NRG1: variants seen among roughly 807,000 people sequenced by gnomAD.
The protein encoded by NRG1 is neuregulin 1.
In NRG1, 18 loss-of-function variants were observed where a neutral mutation model predicts 63.8. The ratio of observed to expected loss-of-function variants is 0.28; its 90% CI spans 0.19 to 0.42. The LOEUF (loss-of-function observed/expected upper bound fraction) is 0.42, where lower values mean the gene tolerates loss of function less well. Ranked by LOEUF, NRG1 falls within the 10% of genes least tolerant of loss-of-function variation. The probability of loss-of-function intolerance (pLI) is 1.00; values close to 1 mark genes in which losing one functional copy is unlikely to be tolerated. For synonymous variants in NRG1, 302 were observed against 301.3 expected (o/e 1.00, Z -0.02); for missense variants, 762 against 814.7 (o/e 0.94, Z 0.79).
chr8:31,643,228 A>G (rs1261792686), intron 1 of NRG1, among the ~76,000 whole-genome samples: 2 of 152,248 alleles, frequency 1.3e-5, no homozygotes, highest in African/African-American at 2.4e-5. Context: ...CTCACCTAAC[A>G]TGAAGCTGCC....
intron 1 of NRG1, among the ~76,000 whole-genome samples, chr8:32,502,988 T>G (rs1035239216): frequency 3.9e-5 from 6 of 151,946 alleles, no homozygotes; most frequent in Non-Finnish European, 7.4e-5. Context: ...CTCTGCCAAA[T>G]TAAGAAGTCA....
rs1053610889 is a variant in NRG1, at chr8:32,221,953, A to G, written c.38-373875A>G. 9.2e-5 allele frequency among the ~76,000 whole-genome samples: 14 copies of G among 152,108 alleles called. 1 individual carries two copies. In the South Asian group the frequency reaches 2.7e-3, roughly 29 times the overall value. On this transcript the variant is annotated intron_variant, in intron 1 of 10. Transcript: ENST00000519301. Reference sequence around the variant, plus strand: ...CTTGTCTGTCATTCAAATCTTTGTTACCAAAACAGTTTGCTCTTTTTCATC... The same window carrying G: ...CTTGTCTGTCATTCAAATCTTTGTTGCCAAAACAGTTTGCTCTTTTTCATC...
At chr8:32,600,924 T>G (rs993279581) in intron 2 of NRG1, among the ~76,000 whole-genome samples, 22 of 152,172 alleles carry the variant, frequency 1.4e-4, no homozygotes, top group Non-Finnish European at 2.9e-4. Context: ...CTTTCCAAGC[T>G]AATTTCCTTC....
chr8:31,783,960 C>T (rs1452770438), intron 1 of NRG1, among the ~76,000 whole-genome samples: 1 of 152,012 alleles, frequency 6.6e-6, no homozygotes, highest in Non-Finnish European at 1.5e-5. Context: ...AAAACTAATT[C>T]GGATGGTACT....
intron 10 of NRG1, 140 bp from the exon 11 acceptor site, chr8:32,760,060 C>T (rs1050266523): frequency 2.2e-6 from 2 of 916,450 alleles, no homozygotes; most frequent in South Asian, 1.6e-5. Context: ...CGATTCTATT[C>T]GGAGACAAGT....
intron 1 of NRG1, among the ~76,000 whole-genome samples, chr8:32,205,851 C>T (rs1191572847): frequency 6.6e-6 from 1 of 151,386 alleles, no homozygotes; most frequent in Non-Finnish European, 1.5e-5. Context: ...GTGGCTGATG[C>T]CTAAGTGGGA....
exon 12 of NRG1, chr8:32,767,890 G>C (rs914260820): frequency 1.3e-5 from 2 of 152,120 alleles, no homozygotes; most frequent in Admixed American, 6.5e-5. Context: ...ATAAGTAATT[G>C]TGATTTATTT....
chr8:32,059,490 A>C (rs765272726), intron 1 of NRG1, among the ~76,000 whole-genome samples: 3 of 151,960 alleles, frequency 2.0e-5, no homozygotes, highest in Admixed American at 1.3e-4. Context: ...GTAACTTCCT[A>C]AGAGAAAGCA....
chr8:32,703,511 T>C (rs1461095556), intron 5 of NRG1, among the ~76,000 whole-genome samples: 1 of 146,714 alleles, frequency 6.8e-6, no homozygotes, highest in African/African-American at 2.5e-5. Context: ...GTAGCCTGGG[T>C]GACAGAGCGA....
chr8:32,580,814 T>A (rs985588318), intron 1 of NRG1, among the ~76,000 whole-genome samples: 5 of 151,762 alleles, frequency 3.3e-5, no homozygotes, highest in African/African-American at 4.8e-5. Flanking sequence ...GGAAAATAAG[T>A]TGTTATTAGG....
intron 5 of NRG1, among the ~76,000 whole-genome samples, chr8:32,670,167 G>T (rs1434686265): frequency 6.6e-6 from 1 of 151,976 alleles, no homozygotes; most frequent in Non-Finnish European, 1.5e-5. Flanking sequence ...TCTTCTCCTT[G>T]GCTAAACCTG....
At chr8:31,701,761 G>GA (rs547423676) in intron 1 of NRG1, among the ~76,000 whole-genome samples, 2 of 151,680 alleles carry the variant, frequency 1.3e-5, no homozygotes, top group South Asian at 2.1e-4. Flanking sequence ...GAAAAAGAAG[G>GA]AAAAAAAATC....
At chr8:32,652,888 G>A (rs1051531594) in intron 5 of NRG1, among the ~76,000 whole-genome samples, 11 of 151,856 alleles carry the variant, frequency 7.2e-5, no homozygotes, top group Non-Finnish European at 1.2e-4. Context: ...ACTCTTCATA[G>A]TATCCTTTTA....
intron 1 of NRG1, among the ~76,000 whole-genome samples, chr8:32,459,846 G>T (rs1405304780): frequency 6.6e-6 from 1 of 152,138 alleles, no homozygotes; most frequent in African/African-American, 2.4e-5. Context: ...TCTATGGCTG[G>T]AACACTTTCT....
chr8:32,743,216 A>C (rs757704537), intron 7 of NRG1: 19 of 985,692 alleles, frequency 1.9e-5, no homozygotes, highest in Non-Finnish European at 2.2e-5. Flanking sequence ...AAATAAACAT[A>C]ATAAAAGGAG....
chr8:31,853,401 G>T (rs1162555672), intron 1 of NRG1, among the ~76,000 whole-genome samples: 1 of 149,528 alleles, frequency 6.7e-6, no homozygotes, highest in Non-Finnish European at 1.5e-5. Flanking sequence ...CTCATGATTT[G>T]GCTCTCTGTT....
chr8:32,100,444 C>T (rs995960704), intron 1 of NRG1, among the ~76,000 whole-genome samples: 1 of 152,164 alleles, frequency 6.6e-6, no homozygotes. Context: ...AAATGTGTTG[C>T]TTTGGGCTTA....
chr8:32,020,319 T>G (rs114048213), intron 1 of NRG1, among the ~76,000 whole-genome samples: 4 of 152,238 alleles, frequency 2.6e-5, no homozygotes, highest in Non-Finnish European at 1.5e-5. Context: ...TTCATGGATA[T>G]GAAATACAAT....
intron 1 of NRG1, among the ~76,000 whole-genome samples, chr8:32,019,263 T>C (rs1011657584): frequency 1.3e-5 from 2 of 152,200 alleles, no homozygotes; most frequent in Non-Finnish European, 2.9e-5. Context: ...CAGGCCCGGC[T>C]AATTTTTTGT....
Sources: gnomAD v4.1 joint callset for allele counts (sites outside exome capture counted in the v4.1 genomes callset) on GRCh38, gnomAD v4.1.1 for gene constraint, MANE v1.5 for transcripts, NCBI Gene and HGNC (gene_info 2026-07-23, HGNC 2026-07-21) for gene names.